GPM6A: variants seen among roughly 807,000 people sequenced by gnomAD.
The protein encoded by GPM6A is neuronal membrane glycoprotein M6-a.
GPM6A carries 7 observed loss-of-function variants against 32.1 expected under a neutral mutation model. That is an observed-to-expected ratio of 0.22 (90% CI 0.12 to 0.41). The LOEUF is 0.41. Among genes scored for constraint, GPM6A ranks in the 10% least tolerant of loss-of-function variants. The pLI is 1.00. For synonymous variants in GPM6A, 130 were observed against 123.4 expected (o/e 1.05, Z -0.35); for missense variants, 235 against 347.2 (o/e 0.68, Z 2.57).
At chr4:175,643,361 C>T (rs886710273) in intron 4 of GPM6A, among the ~76,000 whole-genome samples, 3 of 152,130 alleles carry the variant, frequency 2.0e-5, no homozygotes, top group Non-Finnish European at 2.9e-5. Context: ...GATGGTACAT[C>T]GTGGGAACTC....
intron 1 of GPM6A, among the ~76,000 whole-genome samples, chr4:175,866,191 A>T (rs1398682946): frequency 2.0e-5 from 3 of 152,134 alleles, no homozygotes; most frequent in African/African-American, 7.2e-5. Context: ...ATTTCCCCTT[A>T]TGCCGACACA....
At chr4:175,918,964 G>T (rs1280459757) in intron 1 of GPM6A, among the ~76,000 whole-genome samples, 2 of 151,852 alleles carry the variant, frequency 1.3e-5, no homozygotes, top group East Asian at 3.9e-4. Context: ...TATGGAGAAA[G>T]ATTTTTATAT....
At chr4:175,923,286 T>C (rs1257244549) in intron 1 of GPM6A, among the ~76,000 whole-genome samples, 2 of 148,170 alleles carry the variant, frequency 1.3e-5, no homozygotes, top group Non-Finnish European at 3.0e-5. Context: ...CTTGAGAGTG[T>C]TTTTTCTTTA....
At chr4:175,867,619 T>C (rs73010139) in intron 1 of GPM6A, among the ~76,000 whole-genome samples, 3,855 of 152,318 alleles carry the variant, frequency 0.025, 148 homozygotes, top group African/African-American at 0.085. Flanking sequence ...TTGTTGCCAT[T>C]GATCTATTTC....
rs144394993 is a variant in GPM6A at position 175,964,873 on chromosome 4, A to G, written c.-23+37436T>C. Among the ~76,000 whole-genome samples, 1,387 of 152,328 alleles carry G rather than the reference A, an allele frequency of 9.1e-3. 9 individuals are homozygous for G. The highest frequency in any genetic ancestry group is 0.042 in the South Asian group (203 of 4,826). On this transcript the variant is annotated intron_variant, in intron 1 of 7. Coordinates refer to the GPM6A transcript ENST00000280187. ...AATGATAAAGGAGTCAATTCTCAAGAAAACAAAACAATCCTTAATAAGCAT... is the reference window on the plus strand; with the variant it reads ...AATGATAAAGGAGTCAATTCTCAAGGAAACAAAACAATCCTTAATAAGCAT...
chr4:175,956,528 A>C (rs1299665912), intron 1 of GPM6A, among the ~76,000 whole-genome samples: 1 of 152,322 alleles, frequency 6.6e-6, no homozygotes, highest in Middle Eastern at 3.4e-3. Flanking sequence ...AGCTGTTTTA[A>C]TTTGGTTCTG....
At chr4:175,949,757 G>A (rs563629007) in intron 1 of GPM6A, among the ~76,000 whole-genome samples, 3 of 152,270 alleles carry the variant, frequency 2.0e-5, no homozygotes, top group East Asian at 1.9e-4. Context: ...AAGCTGAACC[G>A]ACAGGCTTTA....
intron 1 of GPM6A, among the ~76,000 whole-genome samples, chr4:175,887,625 C>T (rs888158656): frequency 5.3e-5 from 8 of 151,608 alleles, no homozygotes; most frequent in Non-Finnish European, 8.9e-5. Context: ...GATGCTAATA[C>T]GTTTGACAAA....
chr4:175,801,047 C>T (rs1010735743), intron 1 of GPM6A: 2 of 159,370 alleles, frequency 1.3e-5, no homozygotes, highest in Non-Finnish European at 2.8e-5. Flanking sequence ...AAGTATTGAA[C>T]TCAAGAAACC....
At chr4:175,978,864 C>A (rs909062413) in intron 1 of GPM6A, among the ~76,000 whole-genome samples, 5 of 151,850 alleles carry the variant, frequency 3.3e-5, no homozygotes, top group Admixed American at 2.0e-4. Flanking sequence ...CGCTGCTAAT[C>A]GTGGAGCTGC....
At chr4:175,881,854 G>A (rs925859700) in intron 1 of GPM6A, among the ~76,000 whole-genome samples, 1 of 149,198 alleles carries the variant, frequency 6.7e-6, no homozygotes. Context: ...GGTGGGAGGA[G>A]GGGGAGGGAT....
At chr4:175,750,583 C>CT (rs1253485646) in intron 1 of GPM6A, among the ~76,000 whole-genome samples, 3 of 147,712 alleles carry the variant, frequency 2.0e-5, no homozygotes, top group South Asian at 4.3e-4. Context: ...TTTTAGCTTC[C>CT]TTTTTTTTGA....
At chr4:175,655,495 A>G (rs1478666596) in intron 3 of GPM6A, among the ~76,000 whole-genome samples, 2 of 152,086 alleles carry the variant, frequency 1.3e-5, no homozygotes, top group African/African-American at 4.8e-5. Flanking sequence ...ATTTTGAAGC[A>G]TATCATGGAT....
At chr4:175,831,049 T>C (rs1735595180) in intron 1 of GPM6A, among the ~76,000 whole-genome samples, 1 of 152,228 alleles carries the variant, frequency 6.6e-6, no homozygotes, top group South Asian at 2.1e-4. Context: ...TCCTTTTCAT[T>C]GGGACTAATG....
At chr4:175,767,544 A>AT (rs1733021898) in intron 1 of GPM6A, among the ~76,000 whole-genome samples, 1 of 152,230 alleles carries the variant, frequency 6.6e-6, no homozygotes, top group African/African-American at 2.4e-5. Context: ...TAGAAAACAG[A>AT]TTTTTTTAGA....
chr4:175,712,333 C>T (rs992500131), intron 1 of GPM6A, among the ~76,000 whole-genome samples: 1 of 152,214 alleles, frequency 6.6e-6, no homozygotes. Context: ...TGCGGCCACA[C>T]TATGGCAGAG....
At chr4:175,692,655 A>C (rs2111040481) in intron 2 of GPM6A, among the ~76,000 whole-genome samples, 1 of 152,190 alleles carries the variant, frequency 6.6e-6, no homozygotes, top group Non-Finnish European at 1.5e-5. Flanking sequence ...ATAACACTTC[A>C]ATGAATACAA....
intron 1 of GPM6A, among the ~76,000 whole-genome samples, chr4:175,880,596 C>T (rs891733638): frequency 3.9e-5 from 6 of 152,164 alleles, no homozygotes; most frequent in Admixed American, 6.5e-5. Flanking sequence ...TGGAAGAGGG[C>T]CTTCACATCC....
chr4:175,844,140 C>T (rs1207479467), intron 1 of GPM6A, among the ~76,000 whole-genome samples: 1 of 152,202 alleles, frequency 6.6e-6, no homozygotes. Context: ...CCTAATCTCT[C>T]TTCACTATGG....
Sources: gnomAD v4.1 joint callset for allele counts (sites outside exome capture counted in the v4.1 genomes callset) on GRCh38, gnomAD v4.1.1 for gene constraint, MANE v1.5 for transcripts, NCBI Gene and HGNC (gene_info 2026-07-23, HGNC 2026-07-21) for gene names.